The following A1CF variants were observed in gnomAD, a reference collection of about 807,000 sequenced individuals.
The protein encoded by A1CF is APOBEC-1 stimulating protein.
Under a neutral mutation model 68.9 loss-of-function variants are expected in A1CF, and 48 were observed. That is an observed-to-expected ratio of 0.70 (90% CI 0.55 to 0.89). A1CF has a LOEUF of 0.89. Among genes scored for constraint, A1CF ranks in the 40% least tolerant of loss-of-function variants. The pLI is 0.00. For missense variants in A1CF, 653 were observed against 718.9 expected, an observed-to-expected ratio of 0.91 and a Z score of 1.05; for synonymous variants, 272 against 260.4, an observed-to-expected ratio of 1.04 and a Z score of -0.43.
rs1212414802 is a variant in A1CF at position 50,881,592 on chromosome 10, C to G, written c.-94+3989G>C. 2.0e-5 allele frequency among the ~76,000 whole-genome samples: 3 copies of G among 152,220 alleles called. No homozygotes were observed. In the East Asian group the frequency reaches 5.8e-4, roughly 29 times the overall value. On this transcript the variant is annotated intron_variant, in intron 1 of 12. Transcript: ENST00000373997. ...ATTGTAGTTAGTTCTACTACTTAAA[C>G]CTAGTGATTTTTAAATCAATTGGGC...
chr10:50,845,670 T>C (rs1395991178), intron 3 of A1CF, among the ~76,000 whole-genome samples: 2 of 152,192 alleles, frequency 1.3e-5, no homozygotes, highest in African/African-American at 2.4e-5. Flanking sequence ...ATATTCCTTA[T>C]TGGTCTGGCA....
chr10:50,872,062 A>G (rs1841293644), intron 1 of A1CF, among the ~76,000 whole-genome samples: 1 of 152,114 alleles, frequency 6.6e-6, no homozygotes, highest in South Asian at 2.1e-4. Context: ...TAATAGACAC[A>G]TATCAGTGGA....
chr10:50,872,205 C>A (rs1325462485), intron 1 of A1CF, among the ~76,000 whole-genome samples: 2 of 151,778 alleles, frequency 1.3e-5, no homozygotes, highest in African/African-American at 4.8e-5. Flanking sequence ...ATTTTTTTGC[C>A]TATTATGTGG....
At chr10:50,842,760 A>G (rs1018672834) in intron 4 of A1CF, among the ~76,000 whole-genome samples, 1 of 152,242 alleles carries the variant, frequency 6.6e-6, no homozygotes, top group African/African-American at 2.4e-5. Context: ...ACTTCTTAGC[A>G]GTCTTTTTCC....
At chr10:50,833,428 A>C (rs1382791635) in intron 6 of A1CF, among the ~76,000 whole-genome samples, 2 of 152,158 alleles carry the variant, frequency 1.3e-5, no homozygotes, top group Non-Finnish European at 2.9e-5. Flanking sequence ...ACACCTTTCT[A>C]GTTTCTGAGT....
chr10:50,881,756 A>C (rs1205159571), intron 1 of A1CF, among the ~76,000 whole-genome samples: 1 of 152,170 alleles, frequency 6.6e-6, no homozygotes, highest in Non-Finnish European at 1.5e-5. Context: ...TCATGTGTTA[A>C]TTCTCTTTAG....
intron 6 of A1CF, among the ~76,000 whole-genome samples, chr10:50,835,599 A>C (rs1443414325): frequency 6.6e-6 from 1 of 152,168 alleles, no homozygotes; most frequent in Admixed American, 6.6e-5. Context: ...GAGAGCTTTT[A>C]TCTCTCTTCT....
At chr10:50,812,373 T>A (rs981549600) in intron 10 of A1CF, among the ~76,000 whole-genome samples, 2 of 152,204 alleles carry the variant, frequency 1.3e-5, no homozygotes, top group Non-Finnish European at 2.9e-5. Context: ...GGTCTTCATT[T>A]CTAAGCCATA....
intron 7 of A1CF, among the ~76,000 whole-genome samples, chr10:50,826,021 G>A (rs1164455097): frequency 1.3e-5 from 2 of 152,064 alleles, no homozygotes; most frequent in Non-Finnish European, 2.9e-5. Context: ...CCACAGCCAA[G>A]AATGATCTGT....
At chr10:50,866,087 C>T (rs72787061) in intron 1 of A1CF, among the ~76,000 whole-genome samples, 17,334 of 152,166 alleles carry the variant, frequency 0.11, 1,064 homozygotes, top group African/African-American at 0.16. Flanking sequence ...AATTGAAAGT[C>T]CTAATACTTA....
chr10:50,850,800 C>G, intron 3 of A1CF: 3 of 1,609,708 alleles, frequency 1.9e-6, no homozygotes, highest in East Asian at 4.5e-5. Context: ...ATAGGAACCT[C>G]TAAATTCCTT....
intron 3 of A1CF, among the ~76,000 whole-genome samples, chr10:50,858,807 G>A (rs1275917316): frequency 6.6e-6 from 1 of 151,980 alleles, no homozygotes; most frequent in Admixed American, 6.6e-5. Context: ...TAATATGTCA[G>A]TATCTCCATG....
intron 6 of A1CF, 51 bp downstream of exon 6, chr10:50,836,023 G>A: frequency 6.8e-7 from 1 of 1,474,020 alleles, no homozygotes; most frequent in Non-Finnish European, 9.1e-7. Context: ...TCTTTGCGGA[G>A]GCAGGCAGGA....
chr10:50,837,454 TC>T (rs1172654099), intron 5 of A1CF, among the ~76,000 whole-genome samples: 1 of 152,188 alleles, frequency 6.6e-6, no homozygotes, highest in East Asian at 1.9e-4. Flanking sequence ...TGGGAATATG[TC>T]CCTGGAAAAT....
At chr10:50,869,183 T>G (rs1841137543) in intron 1 of A1CF, among the ~76,000 whole-genome samples, 1 of 152,128 alleles carries the variant, frequency 6.6e-6, no homozygotes, top group South Asian at 2.1e-4. Context: ...ATTTTAACTT[T>G]TCTGAGGTCT....
In A1CF at chr10:50,804,004, C is replaced by A. The variant is rs1837715753; in HGVS notation, c.*2725G>T. The A allele has an allele frequency of 6.6e-6, 1 of 152,162 alleles. No homozygotes were observed. 9.4% of individuals were successfully genotyped at this position (152,162 alleles called of 1,614,324 possible). A position where few individuals can be genotyped will look rare whatever the true frequency, so the allele number is the denominator to read the frequency against. ...TTTAAACTTATGGTAGCAGGACTTG[C>A]TCTATCTACCTAACTTGGGGAAAGT... On this transcript the variant is annotated 3_prime_UTR_variant, in exon 13 of 13. Transcript: ENST00000373997.
intron 6 of A1CF, among the ~76,000 whole-genome samples, chr10:50,835,818 A>G (rs993092351): frequency 2.0e-5 from 3 of 152,192 alleles, no homozygotes; most frequent in Non-Finnish European, 4.4e-5. Flanking sequence ...TTTATTCATC[A>G]AAGGATTGCT....
At chr10:50,815,543 T>C (rs534380718) in intron 9 of A1CF, among the ~76,000 whole-genome samples, 34 of 152,300 alleles carry the variant, frequency 2.2e-4, no homozygotes, top group Non-Finnish European at 4.4e-4. Flanking sequence ...TAATTTGTGA[T>C]TTACATATTA....
At position 50,816,432 on chromosome 10, in the gene A1CF, C is replaced by T. The variant is rs560306416; in HGVS notation, c.868-153G>A. 24 of 892,756 alleles carry T rather than the reference C, an allele frequency of 2.7e-5. No individual in the cohort carries two copies. In the African/African-American group the frequency reaches 4.0e-4, roughly 15 times the overall value. The allele number at this position is 892,756 out of a possible 1,614,324, so 55.3% of individuals were successfully genotyped here. ...TCATTTTATAGGTTTGTTTTGTATG[C>T]CAGTTGAACTTTTTCTGAGCCATTT... On this transcript the variant is annotated intron_variant, in intron 8 of 12. Coordinates refer to ENST00000373997, the MANE Select transcript of A1CF (RefSeq NM_014576.4).
Sources: gnomAD v4.1 joint callset for allele counts (sites outside exome capture counted in the v4.1 genomes callset) on GRCh38, gnomAD v4.1.1 for gene constraint, MANE v1.5 for transcripts, NCBI Gene and HGNC (gene_info 2026-07-23, HGNC 2026-07-21) for gene names.